The following PDE10A variants were observed in gnomAD, a reference collection of about 807,000 sequenced individuals.
PDE10A encodes the protein phosphodiesterase 10A.
PDE10A carries 39 observed loss-of-function variants against 97.7 expected under a neutral mutation model. The ratio of observed to expected loss-of-function variants is 0.40; its 90% CI spans 0.31 to 0.52. The LOEUF (loss-of-function observed/expected upper bound fraction) is 0.52. PDE10A is among the 20% of genes least tolerant of loss of function. The pLI, the probability that PDE10A is intolerant of heterozygous loss-of-function variation, is 0.56. For missense variants in PDE10A, 731 were observed against 1,047.8 expected, an observed-to-expected ratio of 0.70 and a Z score of 4.17; for synonymous variants, 371 against 376.8, an observed-to-expected ratio of 0.98 and a Z score of 0.18.
chr6:165,331,775 T>C lies in PDE10A; in HGVS notation c.*1250A>G, dbSNP rs1781355134. 6.6e-6 allele frequency: 1 copy of C among 152,202 alleles called. No individual in the cohort carries two copies. The highest frequency in any genetic ancestry group is 1.5e-5 in the Non-Finnish European group (1 of 68,030). 9.4% of individuals were successfully genotyped at this position (152,202 alleles called of 1,614,324 possible). A position where few individuals can be genotyped will look rare whatever the true frequency, so the allele number is the denominator to read the frequency against. ...AAACACTTACATTGTATAGTAATAC[T>C]GGTCAACCAAAAAGGTGTATAGAAG... On this transcript the variant is annotated 3_prime_UTR_variant, in exon 22 of 22. Transcript: ENST00000539869.
intron 1 of PDE10A, among the ~76,000 whole-genome samples, chr6:165,644,112 G>T (rs929176162): frequency 7.9e-5 from 12 of 152,146 alleles, no homozygotes; most frequent in Admixed American, 7.9e-4. Context: ...CTGGAGTGCA[G>T]TGGCGTGATC....
chr6:165,940,455 G>A (rs67996003), intron 1 of PDE10A: 10,005 of 152,366 alleles, frequency 0.066, 434 homozygotes, highest in South Asian at 0.13. Flanking sequence ...GGAACCGCCT[G>A]GAAACAACAC....
At chr6:165,724,033 G>C (rs1411079207) in intron 1 of PDE10A, among the ~76,000 whole-genome samples, 1 of 152,128 alleles carries the variant, frequency 6.6e-6, no homozygotes, top group Non-Finnish European at 1.5e-5. Context: ...CTTCCAGTTA[G>C]TAGCATGCAA....
At chr6:165,782,121 C>G (rs1051485851) in intron 1 of PDE10A, among the ~76,000 whole-genome samples, 2 of 152,186 alleles carry the variant, frequency 1.3e-5, no homozygotes, top group African/African-American at 4.8e-5. Flanking sequence ...GTATGTTCAC[C>G]TTGAATTCCT....
chr6:165,528,028 C>T (rs1583471868), intron 2 of PDE10A, among the ~76,000 whole-genome samples: 1 of 152,180 alleles, frequency 6.6e-6, no homozygotes, highest in African/African-American at 2.4e-5. Context: ...GAGCAGTGCA[C>T]CTGGTTGTGC....
At chr6:165,738,162 C>CT in intron 1 of PDE10A, among the ~76,000 whole-genome samples, 1 of 112,286 alleles carries the variant, frequency 8.9e-6, no homozygotes, top group Non-Finnish European at 1.7e-5. Context: ...TCCCTCCCCC[C>CT]TCCCCCCACC....
chr6:165,494,372 T>C lies in PDE10A; in HGVS notation c.995-12029A>G, dbSNP rs548810448. ...TAGAAAAAAGATACTTGCACATGCA[T>C]GTTTATAGCAGCACCATTTACAGTT... is the stretch of plus-strand genomic sequence containing the variant. On this transcript the variant is annotated intron_variant, in intron 2 of 21. Transcript: ENST00000539869. 2.6e-5 allele frequency among the ~76,000 whole-genome samples: 4 copies of C among 151,128 alleles called. No individual in the cohort carries two copies. In the East Asian group the frequency reaches 7.9e-4, roughly 30 times the overall value.
intron 3 of PDE10A, among the ~76,000 whole-genome samples, chr6:165,463,185 C>CA (rs1220118024): frequency 1.3e-5 from 2 of 152,102 alleles, no homozygotes; most frequent in South Asian, 2.1e-4. Flanking sequence ...GTAGAAATGG[C>CA]AAAAAATACA....
In PDE10A at chr6:165,676,270, G is replaced by A. The variant is rs557139957; in HGVS notation, c.-614-132702C>T. 1.3e-4 allele frequency among the ~76,000 whole-genome samples: 20 copies of A among 152,268 alleles called. No individual in the cohort carries two copies. The South Asian group carries it at 2.9e-3, about 22-fold the overall frequency. On this transcript the variant is annotated intron_variant, in intron 1 of 19. Coordinates refer to the PDE10A transcript ENST00000366882. ...GGAGGTGGGGGATAAGAAAATTGCC[G>A]ATTGGGTACAATATACACGATTTGG...
chr6:165,946,334 A>G (rs1209304000), intron 1 of PDE10A, among the ~76,000 whole-genome samples: 4 of 152,066 alleles, frequency 2.6e-5, no homozygotes, highest in Non-Finnish European at 2.9e-5. Flanking sequence ...CTCTCTACTA[A>G]AATAAAAAAC....
At chr6:165,352,159 G>A (rs1782736939) in intron 18 of PDE10A, among the ~76,000 whole-genome samples, 1 of 152,118 alleles carries the variant, frequency 6.6e-6, no homozygotes, top group Non-Finnish European at 1.5e-5. Context: ...CAGACAATTT[G>A]AGAATTATTC....
At chr6:165,805,936 T>G (rs1562745789) in intron 1 of PDE10A, among the ~76,000 whole-genome samples, 1 of 151,352 alleles carries the variant, frequency 6.6e-6, no homozygotes, top group African/African-American at 2.4e-5. Flanking sequence ...AGAATCCTCT[T>G]GTGTATCTCA....
intron 2 of PDE10A, among the ~76,000 whole-genome samples, chr6:165,527,254 T>C (rs1393944709): frequency 6.6e-6 from 1 of 152,208 alleles, no homozygotes; most frequent in Admixed American, 6.5e-5. Flanking sequence ...CATTTGGTTG[T>C]GTTACTCCAG....
At chr6:165,519,584 C>T (rs558139054) in intron 2 of PDE10A, among the ~76,000 whole-genome samples, 2 of 152,252 alleles carry the variant, frequency 1.3e-5, no homozygotes, top group African/African-American at 4.8e-5. Flanking sequence ...CTCCCTGCTG[C>T]TCAATTCGTT....
chr6:165,804,183 G>A (rs1779053437), intron 1 of PDE10A, among the ~76,000 whole-genome samples: 1 of 152,140 alleles, frequency 6.6e-6, no homozygotes, highest in East Asian at 1.9e-4. Flanking sequence ...AGACATCATG[G>A]AAATAGGTGT....
chr6:165,832,591 G>A (rs750524112), intron 1 of PDE10A, among the ~76,000 whole-genome samples: 2 of 152,180 alleles, frequency 1.3e-5, no homozygotes, highest in African/African-American at 2.4e-5. Context: ...GAGCTCCGCT[G>A]CCTTCTCCGT....
At chr6:165,380,947 T>G (rs1405123051) in intron 17 of PDE10A, among the ~76,000 whole-genome samples, 1 of 152,258 alleles carries the variant, frequency 6.6e-6, no homozygotes, top group African/African-American at 2.4e-5. Context: ...TGTTTCAGCA[T>G]GTCTGGCTGG....
At chr6:165,564,382 A>G (rs1784673532) in intron 1 of PDE10A, among the ~76,000 whole-genome samples, 1 of 152,230 alleles carries the variant, frequency 6.6e-6, no homozygotes, top group African/African-American at 2.4e-5. Flanking sequence ...AAGGACTGAT[A>G]AGACCCGTTT....
At chr6:165,626,610 C>T (rs1004678031) in intron 1 of PDE10A, among the ~76,000 whole-genome samples, 1 of 152,204 alleles carries the variant, frequency 6.6e-6, no homozygotes, top group African/African-American at 2.4e-5. Flanking sequence ...TAAAATACCA[C>T]GGCTGAAACT....
Sources: allele counts gnomAD v4.1 joint callset (sites outside exome capture counted in the v4.1 genomes callset), GRCh38; gene constraint gnomAD v4.1.1; transcripts MANE v1.5; gene names NCBI Gene and HGNC (gene_info 2026-07-23, HGNC 2026-07-21).